ACYP2: variants seen among roughly 807,000 people sequenced by gnomAD.
ACYP2 encodes acylphosphatase-2.
In ACYP2, 12 loss-of-function variants were observed where a neutral mutation model predicts 11.2. The observed-to-expected ratio is 1.08, with a 90% CI of 0.69 to 1.74. The LOEUF (loss-of-function observed/expected upper bound fraction) is 1.74, where lower values mean the gene tolerates loss of function less well. Ranked by LOEUF, ACYP2 falls within the 40% of genes most tolerant of loss-of-function variation. The pLI, the probability that ACYP2 is intolerant of heterozygous loss-of-function variation, is 0.00. For synonymous variants in ACYP2, 43 were observed against 32.2 expected, an observed-to-expected ratio of 1.33 and a Z score of -1.13; for missense variants, 134 against 101.9, an observed-to-expected ratio of 1.31 and a Z score of -1.35.
chr2:54,115,679 A>C (rs757336850), intron 4 of ACYP2: 2 of 1,608,934 alleles, frequency 1.2e-6, no homozygotes, highest in African/African-American at 2.7e-5. Context: ...CGGCTCCTCA[A>C]CAGAGGGCTC....
At chr2:54,288,555 T>C (rs1341174450) in intron 6 of ACYP2, among the ~76,000 whole-genome samples, 1 of 152,092 alleles carries the variant, frequency 6.6e-6, no homozygotes, top group Non-Finnish European at 1.5e-5. Context: ...AAAATTATTT[T>C]ATAAATGGCT....
chr2:54,019,745 G>A (rs1020655134), intron 2 of ACYP2, among the ~76,000 whole-genome samples: 2 of 151,750 alleles, frequency 1.3e-5, no homozygotes, highest in Non-Finnish European at 2.9e-5. Context: ...TCAGCCTCCC[G>A]AGTAGCTGGG....
At chr2:54,161,701 A>G (rs1682717875) in intron 6 of ACYP2, among the ~76,000 whole-genome samples, 1 of 152,232 alleles carries the variant, frequency 6.6e-6, no homozygotes, top group Admixed American at 6.5e-5. Flanking sequence ...TGAAAAAGTC[A>G]GTTCTCTTTT....
At chr2:54,115,247 A>G (rs544469074) in intron 4 of ACYP2, among the ~76,000 whole-genome samples, 2 of 152,252 alleles carry the variant, frequency 1.3e-5, no homozygotes, top group African/African-American at 4.8e-5. Context: ...TCATTTCACA[A>G]TGCATACATA....
chr2:54,255,606 C>T (rs1321220434), intron 6 of ACYP2: 2 of 1,613,598 alleles, frequency 1.2e-6, no homozygotes, highest in Non-Finnish European at 1.7e-6. Flanking sequence ...CCCTGTTTAC[C>T]TCATCTATTG....
chr2:54,137,495 C>T (rs1320722288), intron 5 of ACYP2, among the ~76,000 whole-genome samples: 4 of 152,152 alleles, frequency 2.6e-5, no homozygotes, highest in African/African-American at 9.7e-5. Flanking sequence ...CATGTATTCT[C>T]ATAATTTAGC....
chr2:54,120,432 A>T (rs1680081356), intron 4 of ACYP2, among the ~76,000 whole-genome samples: 1 of 152,204 alleles, frequency 6.6e-6, no homozygotes, highest in Non-Finnish European at 1.5e-5. Flanking sequence ...AGATGCTTTG[A>T]TGCTTTACCA....
intron 2 of ACYP2, among the ~76,000 whole-genome samples, chr2:54,042,831 T>C (rs1051783285): frequency 6.6e-6 from 1 of 152,194 alleles, no homozygotes; most frequent in Admixed American, 6.5e-5. Flanking sequence ...CGAATCCAAG[T>C]TGGAGATCAG....
At chr2:54,102,772 T>G (rs1393070340) in intron 4 of ACYP2, among the ~76,000 whole-genome samples, 1 of 152,138 alleles carries the variant, frequency 6.6e-6, no homozygotes, top group Non-Finnish European at 1.5e-5. Flanking sequence ...TTTTATCTTT[T>G]GCCCTGCTCT....
In ACYP2 at chr2:54,047,833, ACCG is replaced by A. The variant is rs1558493525; in HGVS notation, c.63-3123_63-3121del. ...CATGAACATTCTACTTAGACAAAAGACCGCAGCTACCATACCACGATAAGAAAT... is the reference window on the plus strand; with the variant it reads ...CATGAACATTCTACTTAGACAAAAGACAGCTACCATACCACGATAAGAAAT... On this transcript the variant is annotated intron_variant, in intron 2 of 6. Transcript: ENST00000607452. 7.0e-3 allele frequency among the ~76,000 whole-genome samples: 1,065 copies of A among 152,348 alleles called. 18 individuals carry two copies. The highest frequency in any genetic ancestry group is 0.025 in the African/African-American group (1,022 of 41,566).
intron 6 of ACYP2, chr2:54,267,293 T>C (rs1688080926): frequency 6.5e-7 from 1 of 1,548,774 alleles, no homozygotes; most frequent in Non-Finnish European, 8.7e-7. Flanking sequence ...TTTGACTTAA[T>C]AGGAATTCAT....
intron 4 of ACYP2, among the ~76,000 whole-genome samples, chr2:54,072,599 G>A (rs1406795695): frequency 9.8e-6 from 1 of 102,526 alleles, no homozygotes; most frequent in African/African-American, 3.8e-5. Flanking sequence ...GCCTCACTCT[G>A]TTGCCCAGGC....
At chr2:54,067,173 T>C (rs1676792660) in intron 4 of ACYP2, among the ~76,000 whole-genome samples, 1 of 152,216 alleles carries the variant, frequency 6.6e-6, no homozygotes, top group South Asian at 2.1e-4. Flanking sequence ...CTCTAAAGGT[T>C]GAATTTCTGA....
At position 53,972,381 on chromosome 2, in the gene ACYP2, T is replaced by C. The variant is rs984137135; in HGVS notation, c.-37+1060T>C. ...CAGCACTTTGGGAGGCCGAGGCGGG[T>C]GGATCACGGGGTCAGGAGATGGAGA... On this transcript the variant is annotated intron_variant, in intron 1 of 6. Transcript: ENST00000607452. Among the ~76,000 whole-genome samples, 15 of 145,012 alleles carry C rather than the reference T, an allele frequency of 1.0e-4. No individual in the cohort carries two copies. The East Asian group carries it at 1.7e-3, about 16-fold the overall frequency.
At chr2:54,024,713 A>T (rs1674184796) in intron 2 of ACYP2, among the ~76,000 whole-genome samples, 1 of 152,212 alleles carries the variant, frequency 6.6e-6, no homozygotes, top group Non-Finnish European at 1.5e-5. Context: ...CTTCTATTCA[A>T]CATAGTACTG....
At chr2:54,007,346 C>T (rs543155853) in intron 2 of ACYP2, among the ~76,000 whole-genome samples, 3 of 150,870 alleles carry the variant, frequency 2.0e-5, no homozygotes, top group South Asian at 2.1e-4. Context: ...CTCTGCCTCC[C>T]GGGTCCAAGT....
At chr2:54,112,339 T>C (rs965423754) in intron 4 of ACYP2, among the ~76,000 whole-genome samples, 12 of 152,204 alleles carry the variant, frequency 7.9e-5, no homozygotes, top group Non-Finnish European at 1.5e-5. Flanking sequence ...AATCATGCAT[T>C]GTACGTGAAG....
chr2:54,243,544 G>A (rs1437186256), intron 6 of ACYP2, among the ~76,000 whole-genome samples: 1 of 151,966 alleles, frequency 6.6e-6, no homozygotes, highest in Non-Finnish European at 1.5e-5. Context: ...GCCCAGGCTG[G>A]AGTGTAGTGG....
chr2:53,995,488 T>TTTTATTTATTTATTTA lies in ACYP2; in HGVS notation c.62+21694_62+21709dup, dbSNP rs374442168. Among the ~76,000 whole-genome samples the TTTTATTTATTTATTTA allele has an allele frequency of 3.1e-3, 447 of 145,116 alleles. 7 individuals are homozygous for TTTTATTTATTTATTTA. Among genetic ancestry groups the TTTTATTTATTTATTTA allele is most frequent in the East Asian group, 0.03 (149 of 5,006 alleles). On this transcript the variant is annotated intron_variant, in intron 2 of 6. Coordinates refer to ENST00000607452, the MANE Select transcript of ACYP2 (RefSeq NM_001320586.2). The stretch of plus-strand genomic sequence containing the variant: ...ATTATTTTTTATTTATTTATTTATT[T>TTTTATTTATTTATTTA]TTTATTTATTTATTTATTTATTTAT...
Sources: gnomAD v4.1 joint callset for allele counts (sites outside exome capture counted in the v4.1 genomes callset) on GRCh38, gnomAD v4.1.1 for gene constraint, MANE v1.5 for transcripts, NCBI Gene and HGNC (gene_info 2026-07-23, HGNC 2026-07-21) for gene names.